Variants in LOC122539214 observed in about 807,000 individuals in gnomAD.
the LOC122539214 span, chr19:52,653,290 A>G: frequency 1.4e-6 from 2 of 1,389,908 alleles, no homozygotes; most frequent in African/African-American, 2.9e-5. Flanking sequence ...TTGATTAAAA[A>G]CCTTACCACA....
the LOC122539214 span, among the ~76,000 whole-genome samples, chr19:52,679,743 G>C: frequency 6.6e-6 from 1 of 152,198 alleles, no homozygotes; most frequent in Non-Finnish European, 1.5e-5. Flanking sequence ...CCTAGAGCAG[G>C]ATGATGTTCA....
At chr19:52,681,410 A>T in the LOC122539214 span, among the ~76,000 whole-genome samples, 1 of 152,186 alleles carries the variant, frequency 6.6e-6, no homozygotes, top group Non-Finnish European at 1.5e-5. Context: ...GACAAAGTCC[A>T]ATGAATTTGA....
the LOC122539214 span, among the ~76,000 whole-genome samples, chr19:52,664,351 C>T: frequency 1.6e-4 from 24 of 152,060 alleles, no homozygotes; most frequent in African/African-American, 5.8e-4. Context: ...CAAAAATTTG[C>T]CCTATGCGGT....
the LOC122539214 span, among the ~76,000 whole-genome samples, chr19:52,677,305 G>GT: frequency 6.7e-5 from 6 of 89,294 alleles, no homozygotes; most frequent in East Asian, 3.7e-4. Context: ...AAATTGAGAA[G>GT]TAAAAAAAAA....
chr19:52,653,170 C>T, the LOC122539214 span: 1 of 1,496,118 alleles, frequency 6.7e-7, no homozygotes, highest in African/African-American at 1.4e-5. Flanking sequence ...GGTATGAAGT[C>T]TACGATGGCC....
chr19:52,653,953 T>C, the LOC122539214 span: 1 of 1,227,132 alleles, frequency 8.1e-7, no homozygotes, highest in Non-Finnish European at 1.2e-6. Flanking sequence ...TAATGAAGAA[T>C]GGAGAAAGTT....
chr19:52,669,765 AT>A, the LOC122539214 span, among the ~76,000 whole-genome samples: 1 of 152,176 alleles, frequency 6.6e-6, no homozygotes, highest in Non-Finnish European at 1.5e-5. Context: ...GGGTGTACTT[AT>A]TCTTGTCAGG....
At chr19:52,664,165 G>A in the LOC122539214 span, among the ~76,000 whole-genome samples, 1 of 150,116 alleles carries the variant, frequency 6.7e-6, no homozygotes, top group Admixed American at 6.7e-5. Context: ...TTACAGGTGT[G>A]AGCCACTGCA....
chr19:52,677,273 C>T, the LOC122539214 span, among the ~76,000 whole-genome samples: 8 of 144,084 alleles, frequency 5.6e-5, no homozygotes, highest in African/African-American at 2.0e-4. Context: ...GGGCATTTTG[C>T]TTTTGAATAT....
the LOC122539214 span, among the ~76,000 whole-genome samples, chr19:52,664,410 C>A: frequency 6.6e-6 from 1 of 151,900 alleles, no homozygotes; most frequent in Non-Finnish European, 1.5e-5. Context: ...GTGGGAGGAT[C>A]CGTTGAACCC....
chr19:52,688,652 T>C, the LOC122539214 span, among the ~76,000 whole-genome samples: 7 of 152,136 alleles, frequency 4.6e-5, no homozygotes, highest in Non-Finnish European at 8.8e-5. Context: ...CCTCTTCTGC[T>C]CCATCCTTGT....
chr19:52,689,525 A>G, the LOC122539214 span, among the ~76,000 whole-genome samples: 1 of 151,962 alleles, frequency 6.6e-6, no homozygotes, highest in African/African-American at 2.4e-5. Flanking sequence ...CCTCACCCTG[A>G]TGAGCCTCCC....
the LOC122539214 span, chr19:52,655,548 A>C: frequency 1.3e-6 from 2 of 1,482,822 alleles, no homozygotes; most frequent in East Asian, 4.5e-5. Flanking sequence ...ATCAGGAGGG[A>C]CATTTTCCTC....
chr19:52,661,133 G>A, the LOC122539214 span, among the ~76,000 whole-genome samples: 4 of 152,058 alleles, frequency 2.6e-5, no homozygotes, highest in African/African-American at 4.8e-5. Context: ...AAAGAGCTAT[G>A]ATTACAGGGG....
At chr19:52,653,252 GC>G in the LOC122539214 span, 1 of 1,518,646 alleles carries the variant, frequency 6.6e-7, no homozygotes, top group Non-Finnish European at 9.1e-7. Context: ...CCAGTATGAA[GC>G]CTATAATGAC....
the LOC122539214 span, among the ~76,000 whole-genome samples, chr19:52,688,246 C>T: frequency 0.015 from 2,241 of 152,138 alleles, 11 homozygotes; most frequent in Middle Eastern, 0.044. Flanking sequence ...TCTTGGCTCA[C>T]TGCAGCCTGG....
chr19:52,683,805 C>G, the LOC122539214 span, among the ~76,000 whole-genome samples: 117 of 152,256 alleles, frequency 7.7e-4, no homozygotes, highest in African/African-American at 2.5e-3. Flanking sequence ...TTTGCCCCAG[C>G]CCCTCAGTCT....
chr19:52,683,218 C>T, the LOC122539214 span, among the ~76,000 whole-genome samples: 2 of 147,710 alleles, frequency 1.4e-5, no homozygotes, highest in African/African-American at 5.1e-5. Context: ...TCCTCAGCTG[C>T]CCTGTGACTC....
At chr19:52,652,783 A>C in the LOC122539214 span, 1 of 852,640 alleles carries the variant, frequency 1.2e-6, no homozygotes, top group African/African-American at 1.7e-5. Context: ...CTGCCCACTA[A>C]AGGCTTTGCC....
Sources: gnomAD v4.1 joint callset for allele counts (sites outside exome capture counted in the v4.1 genomes callset) on GRCh38, gnomAD v4.1.1 for gene constraint, MANE v1.5 for transcripts.